The following LTBP1 variants were observed in gnomAD, a reference collection of about 807,000 sequenced individuals.
The protein encoded by LTBP1 is latent transforming growth factor beta binding protein 1.
Under a neutral mutation model 207.6 loss-of-function variants are expected in LTBP1, and 129 were observed. The ratio of observed to expected loss-of-function variants is 0.62; its 90% CI spans 0.54 to 0.72. The LOEUF (loss-of-function observed/expected upper bound fraction) is 0.72, where lower values mean the gene tolerates loss of function less well. Ranked by LOEUF, LTBP1 falls within the 30% of genes least tolerant of loss-of-function variation. The pLI is 0.00. For missense variants in LTBP1, 2,281 were observed against 2,217.2 expected (o/e 1.03, Z -0.58); for synonymous variants, 963 against 833.7 (o/e 1.16, Z -2.67).
chr2:33,074,869 CAA>C (rs36211816), intron 3 of LTBP1, among the ~76,000 whole-genome samples: 230 of 131,836 alleles, frequency 1.7e-3, no homozygotes, highest in African/African-American at 7.2e-3. Context: ...GACTCCATCT[CAA>C]AAAAAAAAAA....
chr2:33,101,213 T>C (rs949834455), intron 3 of LTBP1, among the ~76,000 whole-genome samples: 1 of 152,216 alleles, frequency 6.6e-6, no homozygotes, highest in Non-Finnish European at 1.5e-5. Context: ...AATGGGGCTT[T>C]GCAAATTCTG....
At chr2:33,039,790 C>T (rs1263130793) in intron 3 of LTBP1, among the ~76,000 whole-genome samples, 1 of 152,048 alleles carries the variant, frequency 6.6e-6, no homozygotes, top group Non-Finnish European at 1.5e-5. Flanking sequence ...TGATAACCAT[C>T]AGTTTATTAT....
chr2:33,355,842 C>G (rs1239452320), intron 26 of LTBP1, among the ~76,000 whole-genome samples: 1 of 152,134 alleles, frequency 6.6e-6, no homozygotes, highest in East Asian at 1.9e-4. Context: ...GCGTGTGTGT[C>G]CTGGGAGTGA....
chr2:33,160,212 G>T (rs941965857), intron 5 of LTBP1, among the ~76,000 whole-genome samples: 1 of 152,138 alleles, frequency 6.6e-6, no homozygotes, highest in Non-Finnish European at 1.5e-5. Flanking sequence ...TCCAGAGAAA[G>T]AATTCAACTT....
At chr2:33,259,007 A>G (rs987049393) in intron 12 of LTBP1, among the ~76,000 whole-genome samples, 1 of 152,228 alleles carries the variant, frequency 6.6e-6, no homozygotes, top group Non-Finnish European at 1.5e-5. Flanking sequence ...ATTGATGCTA[A>G]TCTCTAATTG....
intron 4 of LTBP1, among the ~76,000 whole-genome samples, chr2:33,128,267 CCTAA>C (rs1464925759): frequency 6.6e-6 from 1 of 152,286 alleles, no homozygotes; most frequent in African/African-American, 2.4e-5. Context: ...ATAAATAAAA[CCTAA>C]CTGTGTTCCA....
intron 22 of LTBP1, among the ~76,000 whole-genome samples, chr2:33,302,482 C>G (rs1436551081): frequency 6.6e-6 from 1 of 152,128 alleles, no homozygotes; most frequent in Non-Finnish European, 1.5e-5. Flanking sequence ...AGCCCCAGAT[C>G]CTTTTTCACT....
At chr2:33,096,814 G>T (rs218210) in intron 3 of LTBP1, among the ~76,000 whole-genome samples, 1 of 152,008 alleles carries the variant, frequency 6.6e-6, no homozygotes, top group South Asian at 2.1e-4. Context: ...AGAAGGCTGA[G>T]GCAGGAGGAT....
intron 3 of LTBP1, among the ~76,000 whole-genome samples, chr2:33,096,702 A>C (rs1472159659): frequency 6.6e-6 from 1 of 152,146 alleles, no homozygotes; most frequent in African/African-American, 2.4e-5. Context: ...CTTGTAAGAG[A>C]ATGGAAAGGA....
chr2:33,381,449 C>T (rs1201142352), intron 31 of LTBP1, among the ~76,000 whole-genome samples: 1 of 152,090 alleles, frequency 6.6e-6, no homozygotes, highest in Non-Finnish European at 1.5e-5. Context: ...TGGTCTATGG[C>T]CCGTGAGTCT....
intron 10 of LTBP1, among the ~76,000 whole-genome samples, chr2:33,249,368 T>A (rs1035412392): frequency 9.9e-6 from 1 of 100,874 alleles, no homozygotes; most frequent in South Asian, 3.3e-4. Flanking sequence ...CACACACACA[T>A]TTACAACCTC....
Position 33,325,476 on chromosome 2 carries a change from G to A in LTBP1, c.3730+10207G>A, listed in dbSNP as rs184297923. 3.3e-4 allele frequency among the ~76,000 whole-genome samples: 50 copies of A among 152,272 alleles called. No homozygotes were observed. In the South Asian group the frequency reaches 6.6e-3, roughly 20 times the overall value. ...AGCACCTTTTAGTGTAAGAAAAGCT[G>A]TATGAAAAGAGAAAGCGTACAGCAT... On this transcript the variant is annotated intron_variant, in intron 24 of 33. Transcript: ENST00000404816.
At position 33,262,729 on chromosome 2, in the gene LTBP1, C is replaced by A; in HGVS notation, c.2426C>A (p.Pro809His). The change falls in exon 14 of 34, where the codon CCT (proline) becomes CAT (histidine). Residue 809 changes from proline (P) to histidine (H), a missense_variant. Transcript: ENST00000404816. ...VATAPPEKEI[P>H]SLDQEKTKLE... is the part of the protein sequence containing the mutation. Reference sequence around the variant, plus strand: ...TAAAATACAACCATCCAGGAAATACCTTCATTGGATCAAGAGAAAACCAAA... The same window carrying A: ...TAAAATACAACCATCCAGGAAATACATTCATTGGATCAAGAGAAAACCAAA... 1 of 1,580,272 alleles carries A rather than the reference C, an allele frequency of 6.3e-7. No homozygotes were observed. Among genetic ancestry groups the A allele is most frequent in the Non-Finnish European group, 8.6e-7 (1 of 1,156,630 alleles).
At chr2:33,138,894 T>A (rs1232492494) in intron 5 of LTBP1, among the ~76,000 whole-genome samples, 5 of 129,414 alleles carry the variant, frequency 3.9e-5, no homozygotes, top group Non-Finnish European at 6.3e-5. Context: ...AGTCTCGCTC[T>A]GTCGCCCAGG....
At chr2:33,041,110 T>C (rs1313214231) in intron 3 of LTBP1, among the ~76,000 whole-genome samples, 1 of 152,180 alleles carries the variant, frequency 6.6e-6, no homozygotes, top group Non-Finnish European at 1.5e-5. Flanking sequence ...AACCCAAGCC[T>C]GTGTGACCTC....
intron 5 of LTBP1, among the ~76,000 whole-genome samples, chr2:33,176,413 T>TA (rs1482401733): frequency 6.6e-6 from 1 of 151,952 alleles, no homozygotes. Context: ...TTTTAGTAGA[T>TA]ACGGGGTTTC....
intron 3 of LTBP1, among the ~76,000 whole-genome samples, chr2:33,091,426 A>G (rs1460663025): frequency 6.6e-6 from 1 of 152,216 alleles, no homozygotes; most frequent in African/African-American, 2.4e-5. Context: ...AAAGATGGGT[A>G]AATAGTGCCT....
At chr2:33,282,721 T>C (rs990562233) in intron 19 of LTBP1, among the ~76,000 whole-genome samples, 3 of 152,348 alleles carry the variant, frequency 2.0e-5, no homozygotes, top group African/African-American at 4.8e-5. Context: ...TAACAAATAC[T>C]GAGTGTCTAC....
chr2:33,192,903 C>T (rs541523041), intron 7 of LTBP1, among the ~76,000 whole-genome samples: 1 of 152,158 alleles, frequency 6.6e-6, no homozygotes, highest in African/African-American at 2.4e-5. Context: ...AACAAGTCCA[C>T]TCTGGTGATA....
Sources: gnomAD v4.1 joint callset for allele counts (sites outside exome capture counted in the v4.1 genomes callset) on GRCh38, gnomAD v4.1.1 for gene constraint, MANE v1.5 for transcripts, NCBI Gene and HGNC (gene_info 2026-07-23, HGNC 2026-07-21) for gene names.